MACROD2: variants seen among roughly 807,000 people sequenced by gnomAD.
The protein encoded by MACROD2 is mono-ADP ribosylhydrolase 2.
Under a neutral mutation model 70.4 loss-of-function variants are expected in MACROD2, and 36 were observed. That is an observed-to-expected ratio of 0.51 (90% CI 0.39 to 0.68). The LOEUF (loss-of-function observed/expected upper bound fraction) is 0.68, where lower values mean the gene tolerates loss of function less well. MACROD2 is among the 30% of genes least tolerant of loss of function. The pLI is 0.00. For synonymous variants in MACROD2, 172 were observed against 178.8 expected, an observed-to-expected ratio of 0.96 and a Z score of 0.30; for missense variants, 496 against 538.4, an observed-to-expected ratio of 0.92 and a Z score of 0.78.
At chr20:16,012,600 A>G (rs2066877905) in intron 15 of MACROD2, among the ~76,000 whole-genome samples, 2 of 152,214 alleles carry the variant, frequency 1.3e-5, no homozygotes, top group Non-Finnish European at 2.9e-5. Context: ...TGCTTAGGAA[A>G]TGTGATGTGT....
chr20:15,850,583 A>T (rs370841790), intron 8 of MACROD2, among the ~76,000 whole-genome samples: 1 of 152,166 alleles, frequency 6.6e-6, no homozygotes. Context: ...ATAGAAGGAG[A>T]TCTGTAACTC....
intron 8 of MACROD2, among the ~76,000 whole-genome samples, chr20:15,560,227 C>G (rs1251400783): frequency 6.6e-6 from 1 of 151,972 alleles, no homozygotes; most frequent in Non-Finnish European, 1.5e-5. Context: ...ATTAGGAGAC[C>G]CAAATTTGAC....
chr20:14,733,697 C>A (rs929500106), intron 5 of MACROD2, among the ~76,000 whole-genome samples: 10 of 152,108 alleles, frequency 6.6e-5, no homozygotes, highest in African/African-American at 2.4e-4. Flanking sequence ...AAACAATGAA[C>A]CTGCAGAAGC....
chr20:15,840,288 C>G (rs2064156465), intron 8 of MACROD2, among the ~76,000 whole-genome samples: 1 of 152,132 alleles, frequency 6.6e-6, no homozygotes, highest in South Asian at 2.1e-4. Flanking sequence ...TATTTTATTT[C>G]CCACCACATC....
At chr20:15,945,636 T>C (rs1237681808) in intron 12 of MACROD2, among the ~76,000 whole-genome samples, 1 of 152,240 alleles carries the variant, frequency 6.6e-6, no homozygotes, top group Non-Finnish European at 1.5e-5. Flanking sequence ...GCAACTGTTA[T>C]TTTTGTTCTT....
At chr20:14,453,610 C>T (rs550363399) in intron 3 of MACROD2, among the ~76,000 whole-genome samples, 303 of 152,164 alleles carry the variant, frequency 2.0e-3, no homozygotes, top group South Asian at 2.9e-3. Flanking sequence ...ACATAAGCAA[C>T]CTTCATTCTG....
At chr20:15,545,827 A>G (rs893885249) in intron 8 of MACROD2, among the ~76,000 whole-genome samples, 1 of 152,226 alleles carries the variant, frequency 6.6e-6, no homozygotes, top group Admixed American at 6.5e-5. Context: ...AATGCCTTCC[A>G]TTTGAAGGTT....
At chr20:14,614,719 A>G (rs919698482) in intron 4 of MACROD2, among the ~76,000 whole-genome samples, 21 of 152,170 alleles carry the variant, frequency 1.4e-4, no homozygotes, top group Admixed American at 1.3e-3. Flanking sequence ...GCTAATTTTA[A>G]GCATTAATTA....
intron 6 of MACROD2, among the ~76,000 whole-genome samples, chr20:15,387,397 T>C (rs1378525122): frequency 2.0e-5 from 3 of 151,220 alleles, no homozygotes; most frequent in African/African-American, 7.3e-5. Context: ...CTCTCTGCAG[T>C]CTGCACTTTT....
chr20:15,827,843 A>G (rs1328445502), intron 8 of MACROD2, among the ~76,000 whole-genome samples: 1 of 152,228 alleles, frequency 6.6e-6, no homozygotes. Context: ...CTCCACAGCA[A>G]TGGAGCAAGT....
At chr20:14,147,362 T>C (rs896771763) in intron 3 of MACROD2, among the ~76,000 whole-genome samples, 4 of 152,212 alleles carry the variant, frequency 2.6e-5, no homozygotes, top group Non-Finnish European at 4.4e-5. Flanking sequence ...TTCTTATCTG[T>C]AAAATGAGAT....
At chr20:15,877,369 C>A (rs901370941) in intron 9 of MACROD2, among the ~76,000 whole-genome samples, 1 of 152,092 alleles carries the variant, frequency 6.6e-6, no homozygotes, top group African/African-American at 2.4e-5. Context: ...TCAGGCGGTG[C>A]CTTTTATTTA....
At chr20:15,130,386 G>A (rs1485561592) in intron 5 of MACROD2, among the ~76,000 whole-genome samples, 1 of 151,758 alleles carries the variant, frequency 6.6e-6, no homozygotes, top group Non-Finnish European at 1.5e-5. Flanking sequence ...TTGGTAATAG[G>A]CAATGTGCAT....
At chr20:14,230,566 G>A (rs1007695538) in intron 3 of MACROD2, among the ~76,000 whole-genome samples, 1 of 145,084 alleles carries the variant, frequency 6.9e-6, no homozygotes, top group Non-Finnish European at 1.5e-5. Flanking sequence ...CTTCACTGAA[G>A]TCTTGAAGCC....
At chr20:15,742,938 G>C (rs991486657) in intron 8 of MACROD2, among the ~76,000 whole-genome samples, 1 of 152,322 alleles carries the variant, frequency 6.6e-6, no homozygotes, top group Non-Finnish European at 1.5e-5. Flanking sequence ...TGCTGTTCTT[G>C]TGTACCTTAT....
At chr20:14,088,609 T>TTTCTCC (rs2054111962) in intron 3 of MACROD2, among the ~76,000 whole-genome samples, 1 of 152,094 alleles carries the variant, frequency 6.6e-6, no homozygotes, top group East Asian at 1.9e-4. Flanking sequence ...TCTCACAAGT[T>TTTCTCC]TTCTCCTTCT....
At chr20:14,110,276 C>G (rs2054431929) in intron 3 of MACROD2, among the ~76,000 whole-genome samples, 2 of 151,892 alleles carry the variant, frequency 1.3e-5, no homozygotes, top group Non-Finnish European at 2.9e-5. Flanking sequence ...TGGTATCACC[C>G]TAAATGGGGG....
chr20:15,635,896 C>T (rs1397438495), intron 8 of MACROD2, among the ~76,000 whole-genome samples: 1 of 151,606 alleles, frequency 6.6e-6, no homozygotes, highest in Non-Finnish European at 1.5e-5. Context: ...GGCAAAACCC[C>T]ATCTCTTCTA....
intron 3 of MACROD2, among the ~76,000 whole-genome samples, chr20:14,417,803 T>C (rs1226347836): frequency 6.6e-6 from 1 of 152,190 alleles, no homozygotes; most frequent in African/African-American, 2.4e-5. Flanking sequence ...GACTTGTCCA[T>C]CATAGTCAAT....
Sources: gnomAD v4.1 joint callset for allele counts (sites outside exome capture counted in the v4.1 genomes callset) on GRCh38, gnomAD v4.1.1 for gene constraint, MANE v1.5 for transcripts, NCBI Gene and HGNC (gene_info 2026-07-23, HGNC 2026-07-21) for gene names.